FAH: variants seen among roughly 807,000 people sequenced by gnomAD.
The protein encoded by FAH is fumarylacetoacetase.
Under a neutral mutation model 55.8 loss-of-function variants are expected in FAH, and 47 were observed. The observed-to-expected ratio is 0.84, with a 90% CI of 0.67 to 1.07. The LOEUF (loss-of-function observed/expected upper bound fraction) is 1.07, where lower values mean the gene tolerates loss of function less well. Ranked by LOEUF, FAH falls within the 50% of genes least tolerant of loss-of-function variation. The pLI is 0.00. For missense variants in FAH, 495 were observed against 545.9 expected (o/e 0.91, Z 0.93); for synonymous variants, 199 against 207.7 (o/e 0.96, Z 0.36).
intron 5 of FAH, chr15:80,163,571 A>G (rs1041336368): frequency 1.3e-5 from 2 of 152,214 alleles, no homozygotes; most frequent in Non-Finnish European, 2.9e-5. Flanking sequence ...TCTGCAGAAT[A>G]AGAGTAAACA....
intron 11 of FAH, among the ~76,000 whole-genome samples, 176 bp from the exon 12 acceptor site, chr15:80,179,948 C>G (rs2142107484): frequency 6.6e-6 from 1 of 152,108 alleles, no homozygotes. Flanking sequence ...GGGCAGCTCC[C>G]CAGGAGGACA....
chr15:80,174,709 G>C (rs2041268114), intron 9 of FAH, among the ~76,000 whole-genome samples: 1 of 152,158 alleles, frequency 6.6e-6, no homozygotes. Context: ...ATCTCGGCCT[G>C]TCTGCTGCCC....
At chr15:80,168,009 T>A in intron 5 of FAH, 43 bp from the exon 6 acceptor site, 1 of 1,501,904 alleles carries the variant, frequency 6.7e-7, no homozygotes, top group East Asian at 2.3e-5. Flanking sequence ...TGACAACATA[T>A]AACAGCTCTG....
rs1193030161 is a variant in FAH, at chr15:80,162,253, C to T, written c.372C>T (p.Tyr124=). The change falls in exon 5 of 14, where the codon TAC becomes TAT. Residue 124 remains tyrosine (Y), a synonymous_variant. Transcript: ENST00000561421. The part of the protein sequence containing the change: ...TMHLPATIGD[Y]TDFYSSRQHA... Reference sequence around the variant, plus strand: ...TGGGTCTTTCCTCTGCAGGAGACTACACAGACTTCTATTCCTCTCGGCAGC... The same window carrying T: ...TGGGTCTTTCCTCTGCAGGAGACTATACAGACTTCTATTCCTCTCGGCAGC... 6.2e-7 allele frequency: 1 copy of T among 1,614,036 alleles called. No homozygotes were observed.
At position 80,164,145 on chromosome 15, in the gene FAH, G is replaced by T. The variant is rs549543417; in HGVS notation, c.455+1809G>T. On this transcript the variant is annotated intron_variant, in intron 5 of 13. Transcript: ENST00000561421. ...AATATATTCTCTTCTAGTTCCGGAG[G>T]CCAGAAGTCAAAAATCAGTCTCACT... 3.3e-5 allele frequency among the ~76,000 whole-genome samples: 5 copies of T among 152,164 alleles called. No homozygotes were observed. In the East Asian group the frequency reaches 5.8e-4, roughly 18 times the overall value.
chr15:80,169,025 C>T (rs1297543716), intron 7 of FAH, among the ~76,000 whole-genome samples: 2 of 152,168 alleles, frequency 1.3e-5, no homozygotes, highest in Non-Finnish European at 2.9e-5. Flanking sequence ...GGAACCTAAT[C>T]CTGTGTTTCC....
rs3210172 is a variant in FAH, at chr15:80,186,249, C to T, written c.*40C>T. Reference sequence around the variant, plus strand: ...TTCTGGAAACAAAGGGCTCAAGCACCCCTTTCAACCCTGTGACTGGGGTCC... The same window carrying T: ...TTCTGGAAACAAAGGGCTCAAGCACTCCTTTCAACCCTGTGACTGGGGTCC... On this transcript the variant is annotated 3_prime_UTR_variant, in exon 14 of 14. Transcript: ENST00000561421. 3.5e-6 allele frequency: 4 copies of T among 1,139,642 alleles called. No individual in the cohort carries two copies. The South Asian group carries it at 4.6e-5, about 13-fold the overall frequency. 70.6% of individuals were successfully genotyped at this position (1,139,642 alleles called of 1,614,324 possible). A position where few individuals can be genotyped will look rare whatever the true frequency, so the allele number is the denominator to read the frequency against.
Position 80,168,157 on chromosome 15 carries a change from A to G in FAH, c.553+8A>G, listed in dbSNP as rs1447400619. 1 of 1,613,316 alleles carries G rather than the reference A, an allele frequency of 6.2e-7. No homozygotes were observed. Among genetic ancestry groups the G allele is most frequent in the Non-Finnish European group, 8.5e-7 (1 of 1,179,666 alleles). On this transcript the variant is annotated splice_region_variant and intron_variant, in intron 6 of 13. Coordinates refer to ENST00000561421, the MANE Select transcript of FAH (RefSeq NM_000137.4). ...AGATGAAACCTGATGACTGTGAGTG[A>G]CCGCAGCGTCCAGGCCTTGCTGGTA...
Position 80,159,770 on chromosome 15 carries a change from C to T in FAH, c.207C>T (p.Ser69=). The change falls in exon 3 of 14, where the codon AGC becomes AGT. Residue 69 remains serine (S), a synonymous_variant. Coordinates refer to ENST00000561421, the MANE Select transcript of FAH (RefSeq NM_000137.4). ...TTTGGTCTTAGCCTACACTCAACAG[C>T]TTCATGGGCCTGGGTCAGGCTGCCT... is the stretch of plus-strand genomic sequence containing the variant. ...QDVFNQPTLN[S]FMGLGQAAWK... is the part of the protein sequence containing the mutation. 2 of 1,614,198 alleles carry T rather than the reference C, an allele frequency of 1.2e-6. No homozygotes were observed. The highest frequency in any genetic ancestry group is 1.7e-5 in the Admixed American group (1 of 60,022).
Position 80,172,248 on chromosome 15 carries a change from G to A in FAH, c.706G>A (p.Ala236Thr). 2.5e-6 allele frequency: 4 copies of A among 1,601,436 alleles called. No homozygotes were observed. Among genetic ancestry groups the A allele is most frequent in the Non-Finnish European group, 2.6e-6 (3 of 1,168,482 alleles). Residue 236 changes from alanine (A) to threonine (T), a missense_variant and splice_region_variant, in exon 8 of 14, where the codon GCA (alanine) becomes ACA (threonine). Physicochemically the swap from Ala to Thr is moderately conservative, Grantham distance 58. Coordinates refer to ENST00000561421, the MANE Select transcript of FAH (RefSeq NM_000137.4). Reference sequence around the variant, plus strand: ...AATGGTCCTTATGAACGACTGGAGTGGTAATTACTGGAGCTCTGCTCCTGT... The same window carrying A: ...AATGGTCCTTATGAACGACTGGAGTAGTAATTACTGGAGCTCTGCTCCTGT... ...FGMVLMNDWS[A>T]RDIQKWEYVP...
rs2041367854 is a variant in FAH, at chr15:80,186,036, C to T, written c.1181-94C>T. The T allele has an allele frequency of 6.4e-6, 6 of 939,258 alleles. No homozygotes were observed. The Admixed American group carries it at 1.0e-4, about 16-fold the overall frequency. 58.2% of individuals were successfully genotyped at this position (939,258 alleles called of 1,614,324 possible). On this transcript the variant is annotated intron_variant, in intron 13 of 13. Transcript: ENST00000561421. ...TCTGATGGCACCTTCCTGCCTCGGG[C>T]CAGCTGTGTGCTGACGGGCACTGCC...
chr15:80,170,653 C>T (rs995478464), intron 7 of FAH, among the ~76,000 whole-genome samples: 2 of 152,200 alleles, frequency 1.3e-5, no homozygotes, highest in African/African-American at 4.8e-5. Context: ...AAGGACTCTG[C>T]AGGCAGACAC....
chr15:80,185,662 G>A (rs776672196), intron 13 of FAH, among the ~76,000 whole-genome samples: 7 of 152,216 alleles, frequency 4.6e-5, no homozygotes, highest in Non-Finnish European at 8.8e-5. Flanking sequence ...GCAGGCAAGA[G>A]AGAATGAGAG....
intron 3 of FAH, 110 bp from the exon 4 acceptor site, chr15:80,160,300 G>A (rs1161644318): frequency 9.0e-7 from 1 of 1,112,298 alleles, no homozygotes; most frequent in African/African-American, 1.5e-5. Context: ...CAGCCAGAAG[G>A]TGCCCACTGG....
chr15:80,172,135 C>A lies in FAH; in HGVS notation c.607-14C>A. 2 of 1,597,056 alleles carry A rather than the reference C, an allele frequency of 1.3e-6. No homozygotes were observed. The highest frequency in any genetic ancestry group is 1.7e-6 in the Non-Finnish European group (2 of 1,164,536). Reference sequence around the variant, plus strand: ...GATCAGCTCCAGATTCTAATGAACTCTCCCCCATGTAAGGCTTTTTTTGTA... The same window carrying A: ...GATCAGCTCCAGATTCTAATGAACTATCCCCCATGTAAGGCTTTTTTTGTA... On this transcript the variant is annotated splice_polypyrimidine_tract_variant and intron_variant, in intron 7 of 13. Coordinates refer to ENST00000561421, the MANE Select transcript of FAH (RefSeq NM_000137.4).
intron 3 of FAH, chr15:80,160,147 C>T: frequency 1.6e-6 from 1 of 629,374 alleles, no homozygotes; most frequent in Middle Eastern, 4.3e-4. Context: ...TCATTAGCAT[C>T]ATCTGTGACC....
chr15:80,175,584 A>T (rs1183995722), intron 10 of FAH, among the ~76,000 whole-genome samples: 1 of 148,178 alleles, frequency 6.7e-6, no homozygotes, highest in East Asian at 2.0e-4. Flanking sequence ...TTGCAGACAG[A>T]CCCGAGATCC....
intron 5 of FAH, chr15:80,163,850 C>T (rs1390503040): frequency 1.3e-5 from 2 of 152,078 alleles, no homozygotes; most frequent in African/African-American, 2.4e-5. Flanking sequence ...TGGCCCAGAA[C>T]TGGAAGTAAT....
intron 7 of FAH, 21 bp from the exon 8 acceptor site, chr15:80,172,128 A>G (rs1346428745): frequency 3.2e-6 from 5 of 1,582,976 alleles, no homozygotes; most frequent in Non-Finnish European, 4.3e-6. Flanking sequence ...CCAGATTCTA[A>G]TGAACTCTCC....
Sources: gnomAD v4.1 joint callset for allele counts (sites outside exome capture counted in the v4.1 genomes callset) on GRCh38, gnomAD v4.1.1 for gene constraint, MANE v1.5 for transcripts, NCBI Gene and HGNC (gene_info 2026-07-23, HGNC 2026-07-21) for gene names.